INPP4B: variants seen among roughly 807,000 people sequenced by gnomAD.
The protein encoded by INPP4B is inositol polyphosphate 4-phosphatase type II.
INPP4B carries 55 observed loss-of-function variants against 122.5 expected under a neutral mutation model. That is an observed-to-expected ratio of 0.45 (90% CI 0.36 to 0.56). The LOEUF is 0.56. Ranked by LOEUF, INPP4B falls within the 20% of genes least tolerant of loss-of-function variation. The pLI is 0.00. For synonymous variants in INPP4B, 403 were observed against 388.7 expected (o/e 1.04, Z -0.43); for missense variants, 1,000 against 1,097.7 (o/e 0.91, Z 1.26).
intron 15 of INPP4B, among the ~76,000 whole-genome samples, chr4:142,188,518 A>AAAATATATATATATATATAT (rs1834267141): frequency 9.5e-6 from 1 of 105,096 alleles, no homozygotes; most frequent in Non-Finnish European, 1.9e-5. Flanking sequence ...AAAGAAAAAA[A>AAAATATATATATATATATAT]ATATATATAG....
At chr4:142,576,679 T>C (rs542493477) in intron 2 of INPP4B, among the ~76,000 whole-genome samples, 2 of 152,144 alleles carry the variant, frequency 1.3e-5, no homozygotes, top group East Asian at 3.9e-4. Flanking sequence ...AGCACACCTG[T>C]AGTTTGCAAT....
At chr4:142,481,052 T>G (rs1414753459) in intron 2 of INPP4B, among the ~76,000 whole-genome samples, 1 of 150,598 alleles carries the variant, frequency 6.6e-6, no homozygotes, top group East Asian at 2.0e-4. Flanking sequence ...GGAGAATCAC[T>G]TGAACTCTGG....
At chr4:142,781,978 T>TA (rs397935747) in intron 1 of INPP4B, among the ~76,000 whole-genome samples, 1 of 151,918 alleles carries the variant, frequency 6.6e-6, no homozygotes, top group Non-Finnish European at 1.5e-5. Flanking sequence ...TTTTATTTTT[T>TA]AATTTATTTT....
chr4:142,061,513 G>C (rs1182581500), intron 25 of INPP4B, among the ~76,000 whole-genome samples: 1 of 151,980 alleles, frequency 6.6e-6, no homozygotes, highest in Admixed American at 6.6e-5. Flanking sequence ...AAAATAAAAA[G>C]CAAAGTATAT....
rs74809379 is a variant in INPP4B, at chr4:142,403,860, A to T, written c.256-806T>A. Reference sequence around the variant, plus strand: ...AGACACTTTGGAACGGGCAGTGAATAAAACAACTAAAAATAGCAAAACATG... The same window carrying T: ...AGACACTTTGGAACGGGCAGTGAATTAAACAACTAAAAATAGCAAAACATG... On this transcript the variant is annotated intron_variant, in intron 6 of 25. Coordinates refer to ENST00000262992, the MANE Select transcript of INPP4B (RefSeq NM_001101669.3). Among the ~76,000 whole-genome samples the T allele has an allele frequency of 1.7e-4, 26 of 152,330 alleles. No individual in the cohort carries two copies. In the East Asian group the frequency reaches 4.4e-3, roughly 26 times the overall value.
intron 2 of INPP4B, among the ~76,000 whole-genome samples, chr4:142,551,898 T>A (rs1331554153): frequency 6.6e-6 from 1 of 152,226 alleles, no homozygotes; most frequent in Non-Finnish European, 1.5e-5. Context: ...TAGCTGACAC[T>A]AAGGCTATAT....
At position 142,569,917 on chromosome 4, in the gene INPP4B, A is replaced by G. The variant is rs552655775; in HGVS notation, c.-190-107191T>C. Reference sequence around the variant, plus strand: ...AATTTTCTGTGTGTACAAAATACATAGGTAATAAAATAAAATCAACATTAT... The same window carrying G: ...AATTTTCTGTGTGTACAAAATACATGGGTAATAAAATAAAATCAACATTAT... On this transcript the variant is annotated intron_variant, in intron 2 of 25. Coordinates refer to ENST00000262992, the MANE Select transcript of INPP4B (RefSeq NM_001101669.3). Among the ~76,000 whole-genome samples the G allele has an allele frequency of 1.1e-4, 17 of 152,276 alleles. 1 individual carries two copies. In the South Asian group the frequency reaches 3.3e-3, roughly 30 times the overall value.
chr4:142,220,015 C>G (rs1848741013), intron 12 of INPP4B, among the ~76,000 whole-genome samples: 1 of 152,136 alleles, frequency 6.6e-6, no homozygotes. Context: ...ACATGACTAT[C>G]CTATAGGATG....
At chr4:142,303,008 A>G (rs1175212744) in intron 9 of INPP4B, among the ~76,000 whole-genome samples, 1 of 152,168 alleles carries the variant, frequency 6.6e-6, no homozygotes, top group Non-Finnish European at 1.5e-5. Flanking sequence ...TCCCCAATAT[A>G]TATAAACACA....
At chr4:142,594,954 CAAAAAAA>C (rs70949177) in intron 2 of INPP4B, among the ~76,000 whole-genome samples, 1 of 58,046 alleles carries the variant, frequency 1.7e-5, no homozygotes, top group Non-Finnish European at 3.3e-5. Flanking sequence ...GACTCTGTCT[CAAAAAAA>C]AAAAAAAAAA....
At chr4:142,722,962 C>T (rs1822362) in intron 2 of INPP4B, among the ~76,000 whole-genome samples, 112,161 of 151,950 alleles carry the variant, frequency 0.74, 41,522 homozygotes, top group East Asian at 0.84. Flanking sequence ...TGTAATAAAC[C>T]CTTAAAATAT....
rs142753891 is a variant in INPP4B at position 142,717,707 on chromosome 4, A to C, written c.-191+8132T>G. Among the ~76,000 whole-genome samples, 395 of 151,836 alleles carry C rather than the reference A, an allele frequency of 2.6e-3. 5 individuals are homozygous for C. The highest frequency in any genetic ancestry group is 0.019 in the East Asian group (96 of 5,138). Reference sequence around the variant, plus strand: ...ATGAGCAATGAGAACACTTGGACACAGGGCGGGGAACATCACATACCGGGG... The same window carrying C: ...ATGAGCAATGAGAACACTTGGACACCGGGCGGGGAACATCACATACCGGGG... On this transcript the variant is annotated intron_variant, in intron 2 of 25. Coordinates refer to ENST00000262992, the MANE Select transcript of INPP4B (RefSeq NM_001101669.3).
chr4:142,135,162 G>C (rs923643118), intron 18 of INPP4B, among the ~76,000 whole-genome samples: 9 of 152,098 alleles, frequency 5.9e-5, no homozygotes, highest in Non-Finnish European at 1.5e-5. Flanking sequence ...CATATGACTA[G>C]GCCTTCATTC....
At chr4:142,163,577 A>G (rs1821194673) in intron 16 of INPP4B, among the ~76,000 whole-genome samples, 1 of 151,898 alleles carries the variant, frequency 6.6e-6, no homozygotes, top group Non-Finnish European at 1.5e-5. Flanking sequence ...AACTTTCATT[A>G]TAGTATATTG....
At chr4:142,495,990 T>G (rs78298878) in intron 2 of INPP4B, among the ~76,000 whole-genome samples, 1 of 152,156 alleles carries the variant, frequency 6.6e-6, no homozygotes, top group Non-Finnish European at 1.5e-5. Flanking sequence ...TTCGCCTGTC[T>G]GAACTTTTAG....
chr4:142,294,970 CAT>C (rs998527730), intron 9 of INPP4B, among the ~76,000 whole-genome samples: 1 of 149,402 alleles, frequency 6.7e-6, no homozygotes, highest in African/African-American at 2.5e-5. Context: ...GGAAAGAGGA[CAT>C]ATAAAGTTTC....
At chr4:142,742,482 C>T (rs753111380) in intron 1 of INPP4B, among the ~76,000 whole-genome samples, 3 of 151,820 alleles carry the variant, frequency 2.0e-5, no homozygotes, top group African/African-American at 4.8e-5. Flanking sequence ...ATAAACAGAT[C>T]ACAAATATAT....
chr4:142,537,629 T>C (rs1377844002), intron 2 of INPP4B, among the ~76,000 whole-genome samples: 1 of 151,554 alleles, frequency 6.6e-6, no homozygotes, highest in Admixed American at 6.6e-5. Context: ...AACAGGTCCT[T>C]GAATAATGTT....
chr4:142,222,217 C>A (rs1849665019), intron 12 of INPP4B, among the ~76,000 whole-genome samples: 1 of 152,228 alleles, frequency 6.6e-6, no homozygotes, highest in South Asian at 2.1e-4. Context: ...GCTTAGGCCT[C>A]CCAAAGTGCT....
Sources: allele counts gnomAD v4.1 joint callset (sites outside exome capture counted in the v4.1 genomes callset), GRCh38; gene constraint gnomAD v4.1.1; transcripts MANE v1.5; gene names NCBI Gene and HGNC (gene_info 2026-07-23, HGNC 2026-07-21).